CCSER1: variants seen among roughly 807,000 people sequenced by gnomAD.
The protein encoded by CCSER1 is coiled-coil serine rich protein 1.
In CCSER1, 41 loss-of-function variants were observed where a neutral mutation model predicts 82.0. That is an observed-to-expected ratio of 0.50 (90% CI 0.39 to 0.65). The LOEUF is 0.65. Ranked by LOEUF, CCSER1 falls within the 30% of genes least tolerant of loss-of-function variation. CCSER1 has a pLI of 0.00. For missense variants in CCSER1, 1,119 were observed against 1,064.2 expected, an observed-to-expected ratio of 1.05 and a Z score of -0.72; for synonymous variants, 414 against 383.9, an observed-to-expected ratio of 1.08 and a Z score of -0.92.
chr4:91,453,570 C>T (rs1755980806), intron 10 of CCSER1, among the ~76,000 whole-genome samples: 1 of 151,988 alleles, frequency 6.6e-6, no homozygotes, highest in South Asian at 2.1e-4. Flanking sequence ...AAACCTAAGC[C>T]TTTGGAGCAT....
intron 10 of CCSER1, among the ~76,000 whole-genome samples, chr4:91,168,402 G>C (rs1450063880): frequency 1.4e-5 from 2 of 143,270 alleles, no homozygotes; most frequent in East Asian, 2.2e-4. Context: ...CTGCCTGGCC[G>C]CCCCGTCTGG....
In CCSER1 at chr4:91,604,926, A is replaced by G. The variant is rs1039461409; in HGVS notation, c.*5869A>G. The G allele has an allele frequency of 1.3e-5, 2 of 151,976 alleles. No homozygotes were observed. Among genetic ancestry groups the G allele is most frequent in the Non-Finnish European group, 2.9e-5 (2 of 67,922 alleles). The allele number at this position is 151,976 out of a possible 1,614,324, so 9.4% of individuals were successfully genotyped here. A position where few individuals can be genotyped will look rare whatever the true frequency, so the allele number is the denominator to read the frequency against. On this transcript the variant is annotated 3_prime_UTR_variant, in exon 11 of 11. Coordinates refer to ENST00000509176, the MANE Select transcript of CCSER1 (RefSeq NM_001145065.2). ...TCTCTCTTCCAAAAAAGAATGCAAGAGAATTGATTATCTTAGTTAGACCCC... is the reference window on the plus strand; with the variant it reads ...TCTCTCTTCCAAAAAAGAATGCAAGGGAATTGATTATCTTAGTTAGACCCC...
At chr4:90,723,051 A>G (rs1196745801) in intron 6 of CCSER1, among the ~76,000 whole-genome samples, 1 of 151,980 alleles carries the variant, frequency 6.6e-6, no homozygotes, top group African/African-American at 2.4e-5. Flanking sequence ...TTAGAAACCA[A>G]GCTGAAAATG....
At chr4:90,219,666 T>C (rs1480401986) in intron 1 of CCSER1, among the ~76,000 whole-genome samples, 1 of 152,204 alleles carries the variant, frequency 6.6e-6, no homozygotes, top group East Asian at 1.9e-4. Flanking sequence ...CAGATCCCAC[T>C]ACTTGTATTG....
intron 1 of CCSER1, among the ~76,000 whole-genome samples, chr4:90,286,078 A>G (rs952065284): frequency 6.6e-6 from 1 of 151,982 alleles, no homozygotes; most frequent in African/African-American, 2.4e-5. Context: ...TTCACTAGAG[A>G]TATCGGCCTG....
chr4:90,165,447 C>CT (rs1261231169), intron 1 of CCSER1, among the ~76,000 whole-genome samples: 2 of 151,916 alleles, frequency 1.3e-5, no homozygotes. Flanking sequence ...TGAGTCATTC[C>CT]TTTGAGGGTG....
intron 10 of CCSER1, among the ~76,000 whole-genome samples, chr4:91,229,277 A>C (rs1738434193): frequency 9.0e-6 from 1 of 111,698 alleles, no homozygotes; most frequent in African/African-American, 3.8e-5. Context: ...ACCCCAAAAA[A>C]CAAAAACCTG....
chr4:90,438,201 T>A (rs1759325919), intron 4 of CCSER1, among the ~76,000 whole-genome samples: 1 of 152,188 alleles, frequency 6.6e-6, no homozygotes, highest in Admixed American at 6.5e-5. Flanking sequence ...GAAACCAGAC[T>A]TGATCTTTGC....
At position 90,904,809 on chromosome 4, in the gene CCSER1, A is replaced by G. The variant is rs1387545201; in HGVS notation, c.2095-18561A>G. Among the ~76,000 whole-genome samples, 3 of 152,158 alleles carry G rather than the reference A, an allele frequency of 2.0e-5. No homozygotes were observed. In the East Asian group the frequency reaches 5.8e-4, roughly 29 times the overall value. On this transcript the variant is annotated intron_variant, in intron 8 of 10. Transcript: ENST00000509176. Reference sequence around the variant, plus strand: ...TAAACCCTGTTATATGATGTGTATCACTACATACCTGCTTGGATGTTTCAC... The same window carrying G: ...TAAACCCTGTTATATGATGTGTATCGCTACATACCTGCTTGGATGTTTCAC...
intron 5 of CCSER1, among the ~76,000 whole-genome samples, chr4:90,614,782 G>A (rs1455659216): frequency 6.6e-6 from 1 of 152,182 alleles, no homozygotes. Context: ...AAGCACTAAT[G>A]TAGAAGCACA....
At chr4:90,302,892 C>T (rs979795692) in intron 1 of CCSER1, among the ~76,000 whole-genome samples, 4 of 152,096 alleles carry the variant, frequency 2.6e-5, no homozygotes, top group Middle Eastern at 3.4e-3. Context: ...TCAGTGAAAG[C>T]GGAGCATGAA....
At chr4:91,525,106 A>C (rs1278435864) in intron 10 of CCSER1, among the ~76,000 whole-genome samples, 1 of 152,076 alleles carries the variant, frequency 6.6e-6, no homozygotes, top group African/African-American at 2.4e-5. Context: ...ACAGTGAGGG[A>C]GATTCTAGGG....
At chr4:91,565,021 TTGAGTTGTGTGTGTGTG>T (rs1458383935) in intron 10 of CCSER1, among the ~76,000 whole-genome samples, 7 of 142,984 alleles carry the variant, frequency 4.9e-5, no homozygotes, top group Admixed American at 3.0e-4. Context: ...TTAATGCACC[TTGAGTTGTGTGTGTGTG>T]TGTGTGTGTG....
In CCSER1 at chr4:91,392,622, T is replaced by C. The variant is rs55830925; in HGVS notation, c.2218-205950T>C. On this transcript the variant is annotated intron_variant, in intron 10 of 10. Coordinates refer to ENST00000509176, the MANE Select transcript of CCSER1 (RefSeq NM_001145065.2). ...GTTTGGGGGTTTTTCTTTAGAGTCA[T>C]ATATATTAGCTCATTTGCACAGTTA... Among the ~76,000 whole-genome samples the C allele has an allele frequency of 9.7e-3, 1,471 of 152,226 alleles. 10 individuals are homozygous for C. The highest frequency in any genetic ancestry group is 0.015 in the Non-Finnish European group (1,043 of 67,978).
At chr4:90,796,652 A>G (rs1756083424) in intron 7 of CCSER1, among the ~76,000 whole-genome samples, 1 of 152,102 alleles carries the variant, frequency 6.6e-6, no homozygotes, top group Admixed American at 6.6e-5. Flanking sequence ...ACACCACCTT[A>G]TCTGTGTCCC....
chr4:90,824,010 CT>C (rs1195582440), intron 8 of CCSER1, among the ~76,000 whole-genome samples: 7 of 151,480 alleles, frequency 4.6e-5, no homozygotes, highest in Admixed American at 4.6e-4. Context: ...CTATGTTTTT[CT>C]TTTAGAAGAG....
intron 7 of CCSER1, among the ~76,000 whole-genome samples, chr4:90,811,767 T>C (rs927927363): frequency 1.3e-5 from 2 of 151,996 alleles, no homozygotes; most frequent in African/African-American, 4.8e-5. Context: ...TGGAACAATA[T>C]TGAGTATATG....
At chr4:91,326,257 C>G (rs1411164147) in intron 10 of CCSER1, among the ~76,000 whole-genome samples, 2 of 152,156 alleles carry the variant, frequency 1.3e-5, no homozygotes, top group Non-Finnish European at 2.9e-5. Context: ...TTAATTGACT[C>G]ACAGTTCTGC....
chr4:90,845,259 G>A (rs1472599214), intron 8 of CCSER1, among the ~76,000 whole-genome samples: 1 of 151,614 alleles, frequency 6.6e-6, no homozygotes, highest in Non-Finnish European at 1.5e-5. Context: ...CTACTAGGGC[G>A]GCTAAGACAG....
Sources: gnomAD v4.1 joint callset for allele counts (sites outside exome capture counted in the v4.1 genomes callset) on GRCh38, gnomAD v4.1.1 for gene constraint, MANE v1.5 for transcripts, NCBI Gene and HGNC (gene_info 2026-07-23, HGNC 2026-07-21) for gene names.